Variants in EDEM3 observed in about 807,000 individuals in gnomAD.
The protein encoded by EDEM3 is ER degradation enhancing alpha-mannosidase like protein 3, also known as ER degradation-enhancing alpha-mannosidase-like protein 3.
EDEM3 carries 60 observed loss-of-function variants against 110.2 expected under a neutral mutation model. That is an observed-to-expected ratio of 0.54 (90% confidence interval 0.44 to 0.67). The LOEUF is 0.67. EDEM3 is among the 30% of genes least tolerant of loss of function. The probability of loss-of-function intolerance (pLI) is 0.00; values close to 1 mark genes in which losing one functional copy is unlikely to be tolerated. For missense variants in EDEM3, 996 were observed against 1,121.0 expected (o/e 0.89, Z 1.59); for synonymous variants, 352 against 382.9 (o/e 0.92, Z 0.94).
chr1:184,713,536 T>A (rs781032207), intron 13 of EDEM3, among the ~76,000 whole-genome samples: 1 of 152,192 alleles, frequency 6.6e-6, no homozygotes, highest in African/African-American at 2.4e-5. Context: ...CAAAGCATCA[T>A]AGGTTTTGGC....
chr1:184,703,812 G>C (rs1417215341), intron 18 of EDEM3, among the ~76,000 whole-genome samples: 1 of 152,212 alleles, frequency 6.6e-6, no homozygotes, highest in Admixed American at 6.5e-5. Flanking sequence ...CTCTCTGGGG[G>C]ACCTGGAACT....
In EDEM3 at chr1:184,734,887, C is replaced by T. The variant is rs975889556; in HGVS notation, c.346-244G>A. On this transcript the variant is annotated intron_variant, in intron 4 of 19. Transcript: ENST00000318130. ...AAATATTATGAGGACTTTGAAGCTA[C>T]CATCATCAGACCTGTTAACTGGATT... 2.6e-5 allele frequency among the ~76,000 whole-genome samples: 4 copies of T among 152,200 alleles called. No individual in the cohort carries two copies. In the South Asian group the frequency reaches 8.3e-4, roughly 32 times the overall value.
chr1:184,732,836 C>A lies in EDEM3; in HGVS notation c.612+1G>T, dbSNP rs1651601582. The stretch of plus-strand genomic sequence containing the variant: ...GACTCATATTTTTCAGAAGTACTTA[C>A]TCTTGGATAAGGAAGGCCACTGGTA... On this transcript the variant is annotated splice_donor_variant, in intron 6 of 19. Transcript: ENST00000318130. LOFTEE classifies it high-confidence loss of function. 6.2e-7 allele frequency: 1 copy of A among 1,611,272 alleles called. No individual in the cohort carries two copies. Among genetic ancestry groups the A allele is most frequent in the Non-Finnish European group, 8.5e-7 (1 of 1,178,646 alleles).
chr1:184,700,524 C>A (rs1649559516), intron 19 of EDEM3, among the ~76,000 whole-genome samples: 1 of 151,960 alleles, frequency 6.6e-6, no homozygotes, highest in African/African-American at 2.4e-5. Context: ...CAATATTTCT[C>A]AAAGTGTAGC....
intron 18 of EDEM3, among the ~76,000 whole-genome samples, chr1:184,703,447 CATG>C (rs1337432886): frequency 6.6e-6 from 1 of 152,158 alleles, no homozygotes; most frequent in South Asian, 2.1e-4. Flanking sequence ...CCACTACTGG[CATG>C]ATTACATTGT....
In EDEM3 at chr1:184,710,585, T is replaced by C. The variant is rs144175385; in HGVS notation, c.1692-38A>G. The C allele has an allele frequency of 2.0e-5, 31 of 1,541,390 alleles. No individual in the cohort carries two copies. The East Asian group carries it at 5.6e-4, about 28-fold the overall frequency. Reference sequence around the variant, plus strand: ...ATTACAGGCAAGGCTTAAAAAACTATAAATTAGAATTGGCAAAAAACACAT... The same window carrying C: ...ATTACAGGCAAGGCTTAAAAAACTACAAATTAGAATTGGCAAAAAACACAT... On this transcript the variant is annotated intron_variant, in intron 15 of 19. Coordinates refer to ENST00000318130, the MANE Select transcript of EDEM3 (RefSeq NM_025191.4).
intron 15 of EDEM3, 52 bp from the exon 16 acceptor site, chr1:184,710,599 C>CA (rs1447889851): frequency 6.6e-7 from 1 of 1,509,500 alleles, no homozygotes. Flanking sequence ...TTAGAATTGG[C>CA]AAAAAACACA....
At position 184,692,505 on chromosome 1, in the gene EDEM3, A is replaced by G. The variant is rs879248412; in HGVS notation, c.*1558T>C. On this transcript the variant is annotated 3_prime_UTR_variant, in exon 20 of 20. Coordinates refer to ENST00000318130, the MANE Select transcript of EDEM3 (RefSeq NM_025191.4). Reference sequence around the variant, plus strand: ...AACATACTGTACACGAATATACATAACTGCAATACAGCACTGCTGTTTTTA... The same window carrying G: ...AACATACTGTACACGAATATACATAGCTGCAATACAGCACTGCTGTTTTTA... 2 of 152,098 alleles carry G rather than the reference A, an allele frequency of 1.3e-5. No homozygotes were observed. The highest frequency in any genetic ancestry group is 4.1e-4 in the South Asian group (2 of 4,828). The allele number at this position is 152,098 out of a possible 1,614,324, so 9.4% of individuals were successfully genotyped here.
rs751169284 is a variant in EDEM3, at chr1:184,694,330, T to C, written c.2532A>G (p.Pro844=). The C allele has an allele frequency of 6.2e-7, 1 of 1,613,144 alleles. No individual in the cohort carries two copies. The highest frequency in any genetic ancestry group is 1.1e-5 in the South Asian group (1 of 91,046). The change falls in exon 20 of 20, where the codon CCA becomes CCG. Residue 844 remains proline, a synonymous_variant. Coordinates refer to ENST00000318130, the MANE Select transcript of EDEM3 (RefSeq NM_025191.4). ...SSEENSLNSH[P]ESLSLADMDN... ...CCATATCTGCTAGAGATAATGATTCTGGGTGAGAATTTAGAGAATTTTCCT... is the reference window on the plus strand; with the variant it reads ...CCATATCTGCTAGAGATAATGATTCCGGGTGAGAATTTAGAGAATTTTCCT...
At chr1:184,751,996 G>A (rs1018016308) in intron 1 of EDEM3, among the ~76,000 whole-genome samples, 4 of 151,938 alleles carry the variant, frequency 2.6e-5, no homozygotes, top group African/African-American at 9.7e-5. Context: ...CAGGTGATTC[G>A]CCCGCCTCAG....
At chr1:184,737,752 G>T in intron 2 of EDEM3, 41 bp from the exon 3 acceptor site, 1 of 1,521,170 alleles carries the variant, frequency 6.6e-7, no homozygotes, top group Non-Finnish European at 9.1e-7. Context: ...GAAAATAAGC[G>T]AAAGCACACA....
At chr1:184,719,417 T>C (rs1650748242) in intron 10 of EDEM3, 26 bp downstream of exon 10, 1 of 1,602,782 alleles carries the variant, frequency 6.2e-7, no homozygotes, top group African/African-American at 1.3e-5. Flanking sequence ...CTTACATTCA[T>C]ATTAAGAAGA....
intron 16 of EDEM3, among the ~76,000 whole-genome samples, chr1:184,709,684 A>T (rs1267611134): frequency 6.6e-6 from 1 of 152,218 alleles, no homozygotes; most frequent in Non-Finnish European, 1.5e-5. Flanking sequence ...ATAAAATACA[A>T]GGAAGAAGGA....
chr1:184,720,923 A>C (rs1165051466), intron 9 of EDEM3: 1 of 191,962 alleles, frequency 5.2e-6, no homozygotes, highest in East Asian at 1.8e-4. Context: ...ATCAAAGACT[A>C]AGCCAAACTT....
rs1265272265 is a variant in EDEM3, at chr1:184,711,804, T to C, written c.1610A>G (p.Asn537Ser). Residue 537 changes from asparagine (N) to serine (S), a missense_variant, in exon 15 of 20, where the codon AAT becomes AGT. Physicochemically the swap from Asn to Ser is conservative, Grantham distance 46. Coordinates refer to ENST00000318130, the MANE Select transcript of EDEM3 (RefSeq NM_025191.4). ...AATACTTTGAGCATACAATGGGTCA[T>C]TAGGAAAGAGGATCTGAGTATTTGG... is the stretch of plus-strand genomic sequence containing the variant. The part of the protein sequence containing the change: ...TCPNTQILFP[N>S]DPLYAQSIRE... The C allele has an allele frequency of 6.2e-7, 1 of 1,613,566 alleles. No homozygotes were observed. The highest frequency in any genetic ancestry group is 1.3e-5 in the African/African-American group (1 of 75,050).
intron 5 of EDEM3, 62 bp downstream of exon 5, chr1:184,734,469 A>G: frequency 1.5e-6 from 1 of 674,572 alleles, no homozygotes; most frequent in Non-Finnish European, 2.0e-6. Context: ...TCTGTCTCAA[A>G]AAATATATAT....
intron 18 of EDEM3, among the ~76,000 whole-genome samples, chr1:184,704,705 T>C (rs1374132412): frequency 7.7e-6 from 1 of 129,512 alleles, no homozygotes; most frequent in Non-Finnish European, 1.6e-5. Context: ...GATCATCATC[T>C]CTTATTTATT....
intron 1 of EDEM3, among the ~76,000 whole-genome samples, chr1:184,751,746 G>GT (rs1295228317): frequency 5.3e-5 from 8 of 152,166 alleles, no homozygotes; most frequent in Non-Finnish European, 1.2e-4. Flanking sequence ...AGTAATTTCT[G>GT]TAAGTCGGCT....
intron 15 of EDEM3, among the ~76,000 whole-genome samples, chr1:184,710,844 G>T (rs1475411665): frequency 2.0e-5 from 3 of 152,042 alleles, no homozygotes; most frequent in Non-Finnish European, 4.4e-5. Context: ...TGTTACTATT[G>T]ATGTTATCCT....
Sources: allele counts gnomAD v4.1 joint callset (sites outside exome capture counted in the v4.1 genomes callset), GRCh38; gene constraint gnomAD v4.1.1; transcripts MANE v1.5; gene names NCBI Gene and HGNC (gene_info 2026-07-23, HGNC 2026-07-21).